Variants in PIK3R1 observed in about 807,000 individuals in gnomAD.
The protein encoded by PIK3R1 is phosphoinositide-3-kinase regulatory subunit 1, also known as phosphatidylinositol 3-kinase regulatory subunit alpha.
In PIK3R1, 29 loss-of-function variants were observed where a neutral mutation model predicts 98.0. The ratio of observed to expected loss-of-function variants is 0.30; its 90% CI spans 0.22 to 0.40. The LOEUF (loss-of-function observed/expected upper bound fraction) is 0.40. Ranked by LOEUF, PIK3R1 falls within the 10% of genes least tolerant of loss-of-function variation. The probability of loss-of-function intolerance (pLI) is 1.00; values close to 1 mark genes in which losing one functional copy is unlikely to be tolerated. For synonymous variants in PIK3R1, 282 were observed against 311.8 expected (o/e 0.90, Z 1.01); for missense variants, 596 against 872.7 (o/e 0.68, Z 3.99).
At chr5:68,275,443 G>A (rs990485124) in intron 4 of PIK3R1, among the ~76,000 whole-genome samples, 2 of 151,856 alleles carry the variant, frequency 1.3e-5, no homozygotes, top group Admixed American at 1.3e-4. Flanking sequence ...ATCAGAGCCC[G>A]ATGAAGTGGA....
chr5:68,221,077 G>A (rs1025576747), intron 1 of PIK3R1, among the ~76,000 whole-genome samples: 2 of 152,242 alleles, frequency 1.3e-5, no homozygotes, highest in Non-Finnish European at 2.9e-5. Flanking sequence ...ATAAACTCGA[G>A]TTTGGCCCTG....
Position 68,222,540 on chromosome 5 carries a change from C to T in PIK3R1, c.-386-3750C>T, listed in dbSNP as rs550272238. Among the ~76,000 whole-genome samples, 4 of 152,152 alleles carry T rather than the reference C, an allele frequency of 2.6e-5. No homozygotes were observed. The East Asian group carries it at 7.7e-4, about 29-fold the overall frequency. On this transcript the variant is annotated intron_variant, in intron 1 of 15. Transcript: ENST00000521381. ...GGGCAGCCTTCCAGAAGTGGTGTGC[C>T]CAGTATTCTTTTATTCACTAGTTTA...
chr5:68,228,492 A>G (rs975690080), intron 2 of PIK3R1, among the ~76,000 whole-genome samples: 1 of 152,180 alleles, frequency 6.6e-6, no homozygotes, highest in Admixed American at 6.5e-5. Context: ...TTCTTTGCAG[A>G]TCAATCAAAA....
Position 68,293,408 on chromosome 5 carries a change from C to T in PIK3R1, c.1224C>T (p.Tyr408=), listed in dbSNP as rs1479496377. 3.1e-6 allele frequency: 5 copies of T among 1,613,076 alleles called. No homozygotes were observed. Among genetic ancestry groups the T allele is most frequent in the Non-Finnish European group, 4.2e-6 (5 of 1,179,188 alleles). ...FSSVVELINH[Y]RNESLAQYNP... is the part of the protein sequence containing the mutation. ...CTGTGGTTGAATTAATAAACCACTA[C>T]CGGAATGAATCTCTAGCTCAGTATA... The change falls in exon 10 of 16, where the codon TAC becomes TAT. Residue 408 remains tyrosine (Y), a synonymous_variant. Coordinates refer to ENST00000521381, the MANE Select transcript of PIK3R1 (RefSeq NM_181523.3).
At chr5:68,288,395 G>A in intron 7 of PIK3R1, 1 of 1,170,698 alleles carries the variant, frequency 8.5e-7, no homozygotes, top group Non-Finnish European at 1.1e-6. Flanking sequence ...ACGTGCGAGC[G>A]CCTGGGCTCC....
chr5:68,282,196 G>T (rs989567314), intron 7 of PIK3R1, among the ~76,000 whole-genome samples: 4 of 152,198 alleles, frequency 2.6e-5, no homozygotes, highest in African/African-American at 9.7e-5. Context: ...CTGTCAACAG[G>T]TAGGGACTAG....
At chr5:68,260,920 C>CATT (rs1745718456) in intron 2 of PIK3R1, among the ~76,000 whole-genome samples, 1 of 152,192 alleles carries the variant, frequency 6.6e-6, no homozygotes, top group Non-Finnish European at 1.5e-5. Flanking sequence ...TTGAATTTTA[C>CATT]TGTTCATTCT....
intron 2 of PIK3R1, among the ~76,000 whole-genome samples, chr5:68,239,143 G>A (rs187581267): frequency 3.0e-4 from 45 of 152,286 alleles, no homozygotes; most frequent in African/African-American, 9.6e-4. Context: ...TCTTGTTCAC[G>A]TGGGAGTACC....
intron 2 of PIK3R1, among the ~76,000 whole-genome samples, chr5:68,240,567 A>C (rs1230981090): frequency 6.6e-6 from 1 of 152,220 alleles, no homozygotes; most frequent in African/African-American, 2.4e-5. Context: ...AGATGCAAAA[A>C]ATGTTTACTC....
At position 68,262,910 on chromosome 5, in the gene PIK3R1, GATAC is replaced by G. The variant is rs1174866741; in HGVS notation, c.335-10477_335-10474del. ...ATACATGTATACATATATACATGTA[GATAC>G]ATGTAGATACATGTATACATATATA... On this transcript the variant is annotated intron_variant, in intron 2 of 15. Coordinates refer to ENST00000521381, the MANE Select transcript of PIK3R1 (RefSeq NM_181523.3). Among the ~76,000 whole-genome samples, 27 of 66,864 alleles carry G rather than the reference GATAC, an allele frequency of 4.0e-4. 1 individual carries two copies. Among genetic ancestry groups the G allele is most frequent in the African/African-American group, 1.3e-3 (21 of 16,492 alleles). The allele number at this position is 66,864 out of a possible 152,430, so 43.9% of individuals were successfully genotyped here. A position where few individuals can be genotyped will look rare whatever the true frequency, so the allele number is the denominator to read the frequency against.
intron 7 of PIK3R1, among the ~76,000 whole-genome samples, chr5:68,287,148 G>C (rs1380209076): frequency 6.6e-6 from 1 of 152,184 alleles, no homozygotes; most frequent in Non-Finnish European, 1.5e-5. Context: ...TTCCCATGCA[G>C]AGTATGAGGG....
intron 2 of PIK3R1, among the ~76,000 whole-genome samples, chr5:68,252,059 C>T (rs918193997): frequency 1.3e-5 from 2 of 152,166 alleles, no homozygotes; most frequent in East Asian, 1.9e-4. Context: ...CAATCCCTCA[C>T]ATCTCCCCCT....
chr5:68,243,983 A>G (rs1332357019), intron 2 of PIK3R1, among the ~76,000 whole-genome samples: 1 of 152,212 alleles, frequency 6.6e-6, no homozygotes, highest in African/African-American at 2.4e-5. Context: ...AAACAGCTGT[A>G]GTTTAAATTA....
intron 2 of PIK3R1, among the ~76,000 whole-genome samples, chr5:68,269,886 A>T (rs1382933960): frequency 2.6e-5 from 2 of 76,146 alleles, no homozygotes; most frequent in Non-Finnish European, 7.9e-5. Context: ...TTGCTATTTA[A>T]AAAAAAAAAA....
intron 2 of PIK3R1, among the ~76,000 whole-genome samples, chr5:68,253,266 T>C (rs1405266671): frequency 6.6e-6 from 1 of 152,218 alleles, no homozygotes; most frequent in Non-Finnish European, 1.5e-5. Flanking sequence ...TTTCCTAGCA[T>C]GTTTCATGAC....
chr5:68,270,693 A>T lies in PIK3R1; in HGVS notation c.335-2697A>T, dbSNP rs144178522. ...GTTAGTTTGAGGGGCCTAAGGAGTG[A>T]CACAATAATGGATCTTAATAAATAA... On this transcript the variant is annotated intron_variant, in intron 2 of 15. Transcript: ENST00000521381. Among the ~76,000 whole-genome samples, 5 of 152,254 alleles carry T rather than the reference A, an allele frequency of 3.3e-5. No homozygotes were observed. The East Asian group carries it at 9.6e-4, about 29-fold the overall frequency.
intron 14 of PIK3R1, 186 bp downstream of exon 14, chr5:68,295,674 A>G (rs1393449039): frequency 1.6e-6 from 1 of 608,550 alleles, no homozygotes; most frequent in Non-Finnish European, 2.9e-6. Flanking sequence ...AAGGAGGACT[A>G]GGATTTATTT....
intron 2 of PIK3R1, among the ~76,000 whole-genome samples, chr5:68,227,228 G>A (rs533138207): frequency 3.3e-5 from 5 of 152,300 alleles, no homozygotes; most frequent in Non-Finnish European, 5.9e-5. Flanking sequence ...CACAGTATCC[G>A]AGAACCTGTT....
rs1342662899 is a variant in PIK3R1, at chr5:68,239,401, TACACATAC to T, written c.334+12394_334+12401del. Among the ~76,000 whole-genome samples the T allele has an allele frequency of 2.2e-4, 33 of 152,344 alleles. No homozygotes were observed. The East Asian group carries it at 6.4e-3, about 29-fold the overall frequency. On this transcript the variant is annotated intron_variant, in intron 2 of 15. Coordinates refer to ENST00000521381, the MANE Select transcript of PIK3R1 (RefSeq NM_181523.3). ...ACATTAACATATGTATGTACGTATATACACATACATATATACATATAAAATTGACCATA... is the reference window on the plus strand; with the variant it reads ...ACATTAACATATGTATGTACGTATATATATATACATATAAAATTGACCATA...
Sources: allele counts gnomAD v4.1 joint callset (sites outside exome capture counted in the v4.1 genomes callset), GRCh38; gene constraint gnomAD v4.1.1; transcripts MANE v1.5; gene names NCBI Gene and HGNC (gene_info 2026-07-23, HGNC 2026-07-21).